GRID2: variants seen among roughly 807,000 people sequenced by gnomAD.
The protein encoded by GRID2 is glutamate receptor ionotropic, delta-2.
In GRID2, 33 loss-of-function variants were observed where a neutral mutation model predicts 114.8. The observed-to-expected ratio is 0.29, with a 90% CI of 0.22 to 0.38. GRID2 has a LOEUF of 0.38. Ranked by LOEUF, GRID2 falls within the 10% of genes least tolerant of loss-of-function variation. GRID2 has a pLI of 1.00. For missense variants in GRID2, 1,184 were observed against 1,257.7 expected (o/e 0.94, Z 0.89); for synonymous variants, 505 against 449.9 (o/e 1.12, Z -1.55).
intron 2 of GRID2, among the ~76,000 whole-genome samples, chr4:93,042,684 TATATATGC>T (rs1725697139): frequency 6.9e-6 from 1 of 144,306 alleles, no homozygotes; most frequent in South Asian, 2.2e-4. Flanking sequence ...TATATCTATA[TATATATGC>T]ATATATATAT....
chr4:92,455,914 A>G (rs1721191493), intron 1 of GRID2, among the ~76,000 whole-genome samples: 4 of 152,180 alleles, frequency 2.6e-5, no homozygotes, highest in Admixed American at 2.6e-4. Context: ...ACAAAAGACA[A>G]ACTGCTGCCA....
intron 2 of GRID2, among the ~76,000 whole-genome samples, chr4:92,693,020 CA>C (rs70942926): frequency 0.14 from 18,296 of 128,914 alleles, 1,641 homozygotes; most frequent in African/African-American, 0.27. Flanking sequence ...GAAACTGTCT[CA>C]AAAAAAAAAA....
chr4:92,315,974 AAAAAAC>A (rs1279296097), intron 1 of GRID2, among the ~76,000 whole-genome samples: 89 of 150,392 alleles, frequency 5.9e-4, no homozygotes, highest in African/African-American at 2.0e-3. Flanking sequence ...CCAACTCAAA[AAAAAAC>A]AAAAACAAAA....
intron 8 of GRID2, among the ~76,000 whole-genome samples, chr4:93,379,431 T>C (rs1440738073): frequency 6.6e-6 from 1 of 151,964 alleles, no homozygotes; most frequent in Non-Finnish European, 1.5e-5. Flanking sequence ...TCCCTTCCAT[T>C]CTCTACACTT....
intron 8 of GRID2, among the ~76,000 whole-genome samples, chr4:93,257,997 TATACAC>T (rs1490697466): frequency 0.01 from 170 of 16,618 alleles, no homozygotes; most frequent in African/African-American, 0.032. Context: ...TATATATATA[TATACAC>T]ACACACACAC....
chr4:92,585,065 G>A (rs1407027098), intron 1 of GRID2, among the ~76,000 whole-genome samples: 1 of 151,950 alleles, frequency 6.6e-6, no homozygotes, highest in East Asian at 1.9e-4. Flanking sequence ...CAAATATTTG[G>A]CCACTAAATA....
At chr4:93,005,331 G>T (rs537037415) in intron 2 of GRID2, among the ~76,000 whole-genome samples, 87 of 152,016 alleles carry the variant, frequency 5.7e-4, no homozygotes, top group African/African-American at 2.0e-3. Context: ...AGTGCTGCTG[G>T]TGCTGCCTAC....
In GRID2 at chr4:93,219,056, C is replaced by T. The variant is rs555992617; in HGVS notation, c.963+2145C>T. On this transcript the variant is annotated intron_variant, in intron 6 of 15. Transcript: ENST00000282020. ...TCAAGATGAGATTTGGATTGGGACA[C>T]AGCCAAACCATATCAATATGCTTAT... 3.3e-5 allele frequency among the ~76,000 whole-genome samples: 5 copies of T among 152,212 alleles called. No individual in the cohort carries two copies. In the East Asian group the frequency reaches 9.6e-4, roughly 29 times the overall value.
At chr4:93,388,672 CTT>C (rs1764562098) in intron 8 of GRID2, among the ~76,000 whole-genome samples, 1 of 152,160 alleles carries the variant, frequency 6.6e-6, no homozygotes, top group Non-Finnish European at 1.5e-5. Context: ...TATGGAAAGA[CTT>C]TAAGCAGATG....
chr4:93,012,051 T>C (rs566019593), intron 2 of GRID2, among the ~76,000 whole-genome samples: 113 of 146,412 alleles, frequency 7.7e-4, no homozygotes, highest in Non-Finnish European at 9.4e-4. Flanking sequence ...CTGTGAACTC[T>C]GAAATTTCCC....
Position 93,455,873 on chromosome 4 carries a change from T to A in GRID2, c.1757T>A (p.Leu586His). Residue 586 changes from leucine to histidine, a missense_variant, in exon 11 of 16, where the codon CTC becomes CAC. This residue lies in a region of GRID2 where 717 missense variants were observed against 796.9 expected (regional missense o/e 0.90). Coordinates refer to ENST00000282020, the MANE Select transcript of GRID2 (RefSeq NM_001510.4). ...CTTCTGGTGGGTCTACTGGTCTACC[T>A]CTTGAACTGGCTTAATCCCCCACGA... ...TVLLVGLLVY[L>H]LNWLNPPRLQ... 1 of 1,609,232 alleles carries A rather than the reference T, an allele frequency of 6.2e-7. No homozygotes were observed. The highest frequency in any genetic ancestry group is 8.5e-7 in the Non-Finnish European group (1 of 1,175,548).
chr4:93,326,420 G>A (rs73840820), intron 8 of GRID2, among the ~76,000 whole-genome samples: 4,514 of 152,204 alleles, frequency 0.03, 120 homozygotes, highest in African/African-American at 0.075. Flanking sequence ...CAGGAAGAGT[G>A]CTTCATTTCT....
rs533154607 is a variant in GRID2, at chr4:93,261,617, T to G, written c.1245+23127T>G. 1.4e-4 allele frequency among the ~76,000 whole-genome samples: 22 copies of G among 151,898 alleles called. 2 individuals are homozygous for G. In the South Asian group the frequency reaches 4.6e-3, roughly 31 times the overall value. On this transcript the variant is annotated intron_variant, in intron 8 of 15. Coordinates refer to ENST00000282020, the MANE Select transcript of GRID2 (RefSeq NM_001510.4). ...AGAGGATAACTCTTGGATAGATGCT[T>G]GAATAAACTGATATAATAGATTGAA...
intron 8 of GRID2, among the ~76,000 whole-genome samples, chr4:93,311,772 A>AG (rs888922839): frequency 3.9e-5 from 6 of 152,330 alleles, no homozygotes; most frequent in South Asian, 2.1e-4. Flanking sequence ...GTGATCAACA[A>AG]GGCCAAATGA....
intron 2 of GRID2, among the ~76,000 whole-genome samples, chr4:93,053,907 A>G (rs1726965739): frequency 6.6e-6 from 1 of 151,926 alleles, no homozygotes; most frequent in South Asian, 2.1e-4. Flanking sequence ...CACTCTGCCC[A>G]TGTGGATTTC....
At chr4:92,364,891 G>C (rs943502129) in intron 1 of GRID2, among the ~76,000 whole-genome samples, 1 of 152,008 alleles carries the variant, frequency 6.6e-6, no homozygotes, top group Non-Finnish European at 1.5e-5. Flanking sequence ...TTTTAAAACT[G>C]ATACATTCAA....
In GRID2 at chr4:93,452,995, C is replaced by G. The variant is rs373470390; in HGVS notation, c.1546-2667C>G. ...TGTTGGTGTGCTGCACCCAGTAACT[C>G]GTCATTTAACATTAGATATATCTCC... On this transcript the variant is annotated intron_variant, in intron 10 of 15. Transcript: ENST00000282020. 7.9e-4 allele frequency among the ~76,000 whole-genome samples: 119 copies of G among 150,308 alleles called. 1 individual carries two copies. Among genetic ancestry groups the G allele is most frequent in the African/African-American group, 2.9e-3 (117 of 40,950 alleles).
intron 2 of GRID2, among the ~76,000 whole-genome samples, chr4:92,982,987 T>C (rs1754307496): frequency 6.6e-6 from 1 of 151,920 alleles, no homozygotes; most frequent in African/African-American, 2.4e-5. Flanking sequence ...AAATAGAAAC[T>C]ATGTATCAAA....
intron 1 of GRID2, among the ~76,000 whole-genome samples, chr4:92,378,139 G>A (rs747126362): frequency 2.0e-5 from 3 of 151,654 alleles, no homozygotes; most frequent in Non-Finnish European, 4.4e-5. Context: ...CTGGAGAGAT[G>A]TTGTATGACT....
Sources: allele counts gnomAD v4.1 joint callset (sites outside exome capture counted in the v4.1 genomes callset), GRCh38; gene constraint gnomAD v4.1.1; regional missense constraint gnomAD v4.1.1; transcripts MANE v1.5; gene names NCBI Gene and HGNC (gene_info 2026-07-23, HGNC 2026-07-21).